CAPN5: variants seen among roughly 807,000 people sequenced by gnomAD.
CAPN5 encodes the protein calpain-5.
A neutral mutation model predicts 73.0 loss-of-function variants in CAPN5; 54 were observed. That is an observed-to-expected ratio of 0.74 (90% CI 0.59 to 0.93). The LOEUF (loss-of-function observed/expected upper bound fraction) is 0.93, where lower values mean the gene tolerates loss of function less well. Among genes scored for constraint, CAPN5 ranks in the 40% least tolerant of loss-of-function variants. CAPN5 has a pLI of 0.00. For synonymous variants in CAPN5, 335 were observed against 356.9 expected (o/e 0.94, Z 0.69); for missense variants, 785 against 882.9 (o/e 0.89, Z 1.41).
intron 3 of CAPN5, among the ~76,000 whole-genome samples, chr11:77,107,826 C>G (rs1950367459): frequency 6.6e-6 from 1 of 152,180 alleles, no homozygotes; most frequent in Admixed American, 6.5e-5. Context: ...CCTTTCTCCT[C>G]TTGGGAAGGA....
At chr11:77,076,016 G>A (rs1949965142) in intron 1 of CAPN5, among the ~76,000 whole-genome samples, 1 of 152,164 alleles carries the variant, frequency 6.6e-6, no homozygotes, top group African/African-American at 2.4e-5. Context: ...GCTAAATCGA[G>A]TTAATTATCA....
Position 77,124,769 on chromosome 11 carries a change from C to G in CAPN5, c.*899C>G, listed in dbSNP as rs1040747208. ...GAGATGTGCTCCCAGAGCCTCTCTG[C>G]TGTAAGACCCCAGCTTTTCCTGGAA... On this transcript the variant is annotated 3_prime_UTR_variant, in exon 13 of 13. Coordinates refer to ENST00000648180, the MANE Select transcript of CAPN5 (RefSeq NM_004055.5). 3 of 152,250 alleles carry G rather than the reference C, an allele frequency of 2.0e-5. No homozygotes were observed. The highest frequency in any genetic ancestry group is 7.2e-5 in the African/African-American group (3 of 41,452). The allele number at this position is 152,250 out of a possible 1,614,324, so 9.4% of individuals were successfully genotyped here.
In CAPN5 at chr11:77,118,270, C is replaced by G. The variant is rs782662986; in HGVS notation, c.1085C>G (p.Ala362Gly). The G allele has an allele frequency of 1.3e-5, 21 of 1,613,940 alleles. No homozygotes were observed. The African/African-American group carries it at 2.5e-4, about 19-fold the overall frequency. Residue 362 changes from alanine to glycine, a missense_variant, in exon 8 of 13, where the codon GCC becomes GGC. Ala to Gly is a moderately conservative substitution (Grantham distance 60). Transcript: ENST00000648180. ...TGGGAGGAGGCCCGGCTGCATGGCG[C>G]CTGGACGCTGCATGAGGACCCGCGA... ...KTWEEARLHG[A>G]WTLHEDPRQN...
At chr11:77,079,823 G>T (rs1053914657) in intron 1 of CAPN5, among the ~76,000 whole-genome samples, 2 of 151,504 alleles carry the variant, frequency 1.3e-5, no homozygotes, top group East Asian at 2.0e-4. Context: ...GTCTGTGTGT[G>T]TGTTTCACTT....
chr11:77,102,730 A>G, intron 3 of CAPN5: 1 of 1,274,004 alleles, frequency 7.8e-7, no homozygotes, highest in East Asian at 2.5e-5. Context: ...GGAGGGGAAG[A>G]GGGAAGGGCA....
chr11:77,095,612 TC>T (rs1231159753), intron 3 of CAPN5, among the ~76,000 whole-genome samples: 1 of 152,106 alleles, frequency 6.6e-6, no homozygotes, highest in Non-Finnish European at 1.5e-5. Context: ...TCGGCCTTGC[TC>T]CCCCAGACCT....
At chr11:77,086,534 G>A (rs1160200566) in intron 2 of CAPN5, among the ~76,000 whole-genome samples, 2 of 152,204 alleles carry the variant, frequency 1.3e-5, no homozygotes, top group African/African-American at 4.8e-5. Context: ...TGACTCTCTG[G>A]AAGGCCCAGG....
intron 2 of CAPN5, among the ~76,000 whole-genome samples, chr11:77,088,335 A>C (rs1443721990): frequency 6.6e-6 from 1 of 152,080 alleles, no homozygotes; most frequent in Non-Finnish European, 1.5e-5. Flanking sequence ...CCCTGAACAT[A>C]AGGCCTTTTC....
chr11:77,093,594 GT>G, intron 2 of CAPN5, 87 bp from the exon 3 acceptor site: 12 of 756,260 alleles, frequency 1.6e-5, no homozygotes, highest in South Asian at 2.4e-5. Context: ...GTCTGTGTCT[GT>G]CACGTCTGTG....
In CAPN5 at chr11:77,120,924, G is replaced by T. The variant is rs782472661; in HGVS notation, c.1487+15G>T. 6.2e-7 allele frequency: 1 copy of T among 1,607,156 alleles called. No individual in the cohort carries two copies. The highest frequency in any genetic ancestry group is 8.5e-7 in the Non-Finnish European group (1 of 1,175,288). On this transcript the variant is annotated intron_variant, in intron 10 of 12. Coordinates refer to ENST00000648180, the MANE Select transcript of CAPN5 (RefSeq NM_004055.5). ...TCCAACTGCCGGTACTTGGGGGCTG[G>T]CTTGAGGCCAGTGTGGGTGGGAGTG...
chr11:77,073,454 A>G (rs1442022110), intron 1 of CAPN5, among the ~76,000 whole-genome samples: 1 of 152,120 alleles, frequency 6.6e-6, no homozygotes, highest in Non-Finnish European at 1.5e-5. Context: ...GCGGGACCCA[A>G]TTGCCAGATG....
intron 2 of CAPN5, chr11:77,087,991 G>A (rs1555035840): frequency 4.6e-6 from 7 of 1,535,594 alleles, no homozygotes; most frequent in South Asian, 3.6e-5. Context: ...GGAGATGCAC[G>A]GAGAATGGAG....
intron 9 of CAPN5, chr11:77,119,818 T>A (rs1315029119): frequency 6.5e-6 from 1 of 153,000 alleles, no homozygotes; most frequent in East Asian, 1.9e-4. Flanking sequence ...GCTGGTACAT[T>A]CATTGCATGC....
At chr11:77,112,184 T>TG (rs1221103000) in intron 3 of CAPN5, among the ~76,000 whole-genome samples, 2 of 151,728 alleles carry the variant, frequency 1.3e-5, no homozygotes, top group Non-Finnish European at 2.9e-5. Context: ...TTGGGCTGAC[T>TG]GGATGGAGGG....
At chr11:77,122,070 TC>T in intron 11 of CAPN5, 21 bp downstream of exon 11, 3 of 1,410,054 alleles carry the variant, frequency 2.1e-6, no homozygotes, top group Non-Finnish European at 1.9e-6. Flanking sequence ...CCAGGGAGAG[TC>T]CCCCGGCCCT....
Position 77,103,350 on chromosome 11 carries a change from GCTCTC to G in CAPN5, c.298-9234_298-9230del, listed in dbSNP as rs1245434292. ...GCTCTGACAGCAGCTGCCAGCTGCTGCTCTCCTCTAGCCCACCTGTGCTCTCCCCT... is the reference window on the plus strand; with the variant it reads ...GCTCTGACAGCAGCTGCCAGCTGCTGCTCTAGCCCACCTGTGCTCTCCCCT... On this transcript the variant is annotated intron_variant, in intron 3 of 12. Coordinates refer to ENST00000648180, the MANE Select transcript of CAPN5 (RefSeq NM_004055.5). 3.8e-6 allele frequency: 6 copies of G among 1,598,710 alleles called. 1 individual carries two copies. In the Admixed American group the frequency reaches 6.7e-5, roughly 18 times the overall value.
intron 1 of CAPN5, among the ~76,000 whole-genome samples, chr11:77,077,020 C>T (rs1565255793): frequency 6.6e-6 from 1 of 152,194 alleles, no homozygotes; most frequent in African/African-American, 2.4e-5. Context: ...ATATCCTCGC[C>T]CACACTTATC....
Position 77,120,805 on chromosome 11 carries a change from CG to C in CAPN5, c.1384del (p.Asp462ThrfsTer57), listed in dbSNP as rs1298290901. The part of the protein sequence containing the change: ...INSRSVFLRT[D>X]QPEGRYVIIP... ...ACTCACGCAGCGTCTTCCTGCGCAC[CG>C]ACCAGCCCGAGGGCCGCTATGTCAT... On this transcript the variant is annotated frameshift_variant, in exon 10 of 13. Coordinates refer to ENST00000648180, the MANE Select transcript of CAPN5 (RefSeq NM_004055.5). LOFTEE classifies it high-confidence loss of function. 1.2e-5 allele frequency: 20 copies of C among 1,614,028 alleles called. No individual in the cohort carries two copies. Among genetic ancestry groups the C allele is most frequent in the Non-Finnish European group, 1.7e-5 (20 of 1,180,036 alleles).
At chr11:77,078,012 GT>G (rs1423882819) in intron 1 of CAPN5, among the ~76,000 whole-genome samples, 1 of 152,090 alleles carries the variant, frequency 6.6e-6, no homozygotes, top group Admixed American at 6.5e-5. Flanking sequence ...CATTCTGCAG[GT>G]TGTCTCTTCG....
Sources: gnomAD v4.1 joint callset for allele counts (sites outside exome capture counted in the v4.1 genomes callset) on GRCh38, gnomAD v4.1.1 for gene constraint, MANE v1.5 for transcripts, NCBI Gene and HGNC (gene_info 2026-07-23, HGNC 2026-07-21) for gene names.